The following P3H2 variants were observed in gnomAD, a reference collection of about 807,000 sequenced individuals.
The protein encoded by P3H2 is leprecan-like 1.
Under a neutral mutation model 87.0 loss-of-function variants are expected in P3H2, and 80 were observed. The observed-to-expected ratio is 0.92, with a 90% CI of 0.77 to 1.11. The LOEUF (loss-of-function observed/expected upper bound fraction) is 1.11, where lower values mean the gene tolerates loss of function less well. Among genes scored for constraint, P3H2 ranks in the 50% least tolerant of loss-of-function variants. The pLI, the probability that P3H2 is intolerant of heterozygous loss-of-function variation, is 0.00. For missense variants in P3H2, 1,001 were observed against 923.9 expected (o/e 1.08, Z -1.08); for synonymous variants, 367 against 359.3 (o/e 1.02, Z -0.24).
intron 1 of P3H2, among the ~76,000 whole-genome samples, chr3:190,030,848 G>A (rs7629832): frequency 0.17 from 26,511 of 152,136 alleles, 3,206 homozygotes; most frequent in African/African-American, 0.34. Flanking sequence ...GTCAATTAAT[G>A]AGAATATTAC....
intron 1 of P3H2, among the ~76,000 whole-genome samples, chr3:190,119,732 G>A (rs533298863): frequency 6.6e-6 from 1 of 152,274 alleles, no homozygotes; most frequent in South Asian, 2.1e-4. Flanking sequence ...GTAGGTGAAG[G>A]GGAGAAGAGA....
chr3:190,084,329 T>C (rs1727144082), intron 1 of P3H2, among the ~76,000 whole-genome samples: 1 of 152,220 alleles, frequency 6.6e-6, no homozygotes, highest in South Asian at 2.1e-4. Flanking sequence ...AAAATAAGGA[T>C]GACAATTAAT....
Position 190,071,109 on chromosome 3 carries a change from G to A in P3H2, c.480+49143C>T, listed in dbSNP as rs186539396. Among the ~76,000 whole-genome samples the A allele has an allele frequency of 3.6e-4, 55 of 152,236 alleles. No individual in the cohort carries two copies. In the East Asian group the frequency reaches 7.1e-3, roughly 20 times the overall value. The stretch of plus-strand genomic sequence containing the variant: ...TCTCAATAAATACTATCATGTTACA[G>A]GATGACATGTTTGCATTGAAACTGA... On this transcript the variant is annotated intron_variant, in intron 1 of 14. Coordinates refer to ENST00000319332, the MANE Select transcript of P3H2 (RefSeq NM_018192.4).
intron 1 of P3H2, among the ~76,000 whole-genome samples, chr3:190,080,654 G>A (rs190793674): frequency 1.4e-4 from 22 of 151,994 alleles, no homozygotes; most frequent in African/African-American, 3.4e-4. Flanking sequence ...CTCCTGCCTC[G>A]GCCTCCCAAA....
chr3:190,042,428 T>TTGTGTGTG (rs58506083), intron 1 of P3H2, among the ~76,000 whole-genome samples: 1 of 150,702 alleles, frequency 6.6e-6, no homozygotes, highest in Non-Finnish European at 1.5e-5. Flanking sequence ...TTGTAAGATT[T>TTGTGTGTG]TGTGTGTGTG....
In P3H2 at chr3:190,040,141, A is replaced by C. The variant is rs923916681; in HGVS notation, c.481-44699T>G. On this transcript the variant is annotated intron_variant, in intron 1 of 14. Coordinates refer to ENST00000319332, the MANE Select transcript of P3H2 (RefSeq NM_018192.4). ...CAGTAATTGGCATCACACACACACAAAAAACCCGTCTTACACTTTTATCAA... is the reference window on the plus strand; with the variant it reads ...CAGTAATTGGCATCACACACACACACAAAACCCGTCTTACACTTTTATCAA... Among the ~76,000 whole-genome samples, 10 of 152,118 alleles carry C rather than the reference A, an allele frequency of 6.6e-5. No individual in the cohort carries two copies. The South Asian group carries it at 8.3e-4, about 13-fold the overall frequency.
intron 1 of P3H2, among the ~76,000 whole-genome samples, chr3:190,118,006 C>A (rs900900009): frequency 6.6e-6 from 1 of 152,192 alleles, no homozygotes; most frequent in African/African-American, 2.4e-5. Flanking sequence ...TCTTAAACTT[C>A]ATTAATTCAT....
chr3:190,048,354 G>A (rs770946925), intron 1 of P3H2, among the ~76,000 whole-genome samples: 49 of 152,038 alleles, frequency 3.2e-4, no homozygotes, highest in Non-Finnish European at 4.0e-4. Flanking sequence ...AAAGTTATCT[G>A]GGCATGGTGG....
Position 190,096,281 on chromosome 3 carries a change from T to C in P3H2, c.480+23971A>G, listed in dbSNP as rs186346763. Among the ~76,000 whole-genome samples, 44 of 152,302 alleles carry C rather than the reference T, an allele frequency of 2.9e-4. No homozygotes were observed. The East Asian group carries it at 7.9e-3, about 27-fold the overall frequency. The stretch of plus-strand genomic sequence containing the variant: ...CTCATGTTGAACTGGAGAAGGGGCT[T>C]GGTGGGTGGTGATTTGATCACAGAG... On this transcript the variant is annotated intron_variant, in intron 1 of 14. Transcript: ENST00000319332.
At chr3:190,025,534 C>T (rs1725062260) in intron 1 of P3H2, among the ~76,000 whole-genome samples, 1 of 152,092 alleles carries the variant, frequency 6.6e-6, no homozygotes, top group Non-Finnish European at 1.5e-5. Flanking sequence ...ATAGTATTCA[C>T]CTGTGAGGGT....
intron 1 of P3H2, among the ~76,000 whole-genome samples, chr3:190,032,312 G>A (rs1276348443): frequency 6.6e-6 from 1 of 152,006 alleles, no homozygotes. Context: ...ATTCACTCAA[G>A]TATAAAATTT....
intron 3 of P3H2, among the ~76,000 whole-genome samples, chr3:189,990,304 A>G (rs1723838778): frequency 6.6e-6 from 1 of 152,228 alleles, no homozygotes; most frequent in African/African-American, 2.4e-5. Context: ...TTATTTGATT[A>G]GCATGTTAGA....
rs566847261 is a variant in P3H2, at chr3:190,101,236, C to T, written c.480+19016G>A. 5.3e-5 allele frequency among the ~76,000 whole-genome samples: 8 copies of T among 151,820 alleles called. No homozygotes were observed. In the South Asian group the frequency reaches 1.7e-3, roughly 32 times the overall value. On this transcript the variant is annotated intron_variant, in intron 1 of 14. Coordinates refer to ENST00000319332, the MANE Select transcript of P3H2 (RefSeq NM_018192.4). ...TAATCCCACAATGGCTCTAAGTGTT[C>T]AAGTTAAGAGTCACATATCTCTCAC...
chr3:189,968,030 A>T (rs1054931200), intron 13 of P3H2, among the ~76,000 whole-genome samples: 4 of 152,220 alleles, frequency 2.6e-5, no homozygotes, highest in Non-Finnish European at 5.9e-5. Flanking sequence ...AGTTTATCAC[A>T]TACATGTCCC....
chr3:190,105,479 CTTT>C (rs1483339837), intron 1 of P3H2, among the ~76,000 whole-genome samples: 3 of 152,112 alleles, frequency 2.0e-5, no homozygotes, highest in Non-Finnish European at 4.4e-5. Context: ...TATCTATCTT[CTTT>C]GTCTCTCTTG....
intron 1 of P3H2, among the ~76,000 whole-genome samples, chr3:190,007,795 G>A (rs1724432636): frequency 7.4e-6 from 1 of 135,974 alleles, no homozygotes; most frequent in Non-Finnish European, 1.6e-5. Flanking sequence ...ATTTCTTTAG[G>A]ATACAGCGTT....
At chr3:190,004,592 C>T (rs986574373) in intron 1 of P3H2, among the ~76,000 whole-genome samples, 3 of 151,932 alleles carry the variant, frequency 2.0e-5, no homozygotes, top group South Asian at 2.1e-4. Flanking sequence ...CCGTCTTAGC[C>T]GGGATGGTCT....
At chr3:190,048,938 T>C (rs1280040613) in intron 1 of P3H2, among the ~76,000 whole-genome samples, 1 of 152,202 alleles carries the variant, frequency 6.6e-6, no homozygotes, top group Non-Finnish European at 1.5e-5. Context: ...GGTTTGCAAA[T>C]GTGTGTAGTT....
intron 1 of P3H2, among the ~76,000 whole-genome samples, chr3:190,013,898 G>T (rs1179610401): frequency 6.6e-6 from 1 of 152,132 alleles, no homozygotes; most frequent in East Asian, 1.9e-4. Flanking sequence ...TGTGAGTAGA[G>T]TATCAGTAAA....
Sources: gnomAD v4.1 joint callset for allele counts (sites outside exome capture counted in the v4.1 genomes callset) on GRCh38, gnomAD v4.1.1 for gene constraint, MANE v1.5 for transcripts, NCBI Gene and HGNC (gene_info 2026-07-23, HGNC 2026-07-21) for gene names.